Variants in ITGAE observed in about 807,000 individuals in gnomAD.
ITGAE encodes the protein integrin alpha-E.
A neutral mutation model predicts 136.5 loss-of-function variants in ITGAE; 99 were observed. The observed-to-expected ratio is 0.73, with a 90% CI of 0.62 to 0.86. The LOEUF (loss-of-function observed/expected upper bound fraction) is 0.86, where lower values mean the gene tolerates loss of function less well. Among genes scored for constraint, ITGAE ranks in the 40% least tolerant of loss-of-function variants. ITGAE has a pLI of 0.00. For missense variants in ITGAE, 1,447 were observed against 1,515.3 expected, an observed-to-expected ratio of 0.95 and a Z score of 0.75; for synonymous variants, 613 against 591.8, an observed-to-expected ratio of 1.04 and a Z score of -0.52.
intron 12 of ITGAE, 38 bp downstream of exon 12, chr17:3,755,079 C>CAGGTGGCCCCGCCCTCATG (rs1434414654): frequency 1.3e-6 from 2 of 1,549,892 alleles, no homozygotes; most frequent in African/African-American, 2.7e-5. Flanking sequence ...CCGCCCTCAT[C>CAGGTGGCCCCGCCCTCATG]AGGTGGCCCC....
intron 2 of ITGAE, among the ~76,000 whole-genome samples, chr17:3,769,916 C>T (rs1485978714): frequency 1.3e-5 from 2 of 152,062 alleles, no homozygotes; most frequent in South Asian, 2.1e-4. Flanking sequence ...TGCTCTTGAA[C>T]TCCTGAGCTC....
intron 1 of ITGAE, among the ~76,000 whole-genome samples, chr17:3,780,210 A>C (rs1330240202): frequency 7.5e-6 from 1 of 133,806 alleles, no homozygotes. Flanking sequence ...ACACTCTGTC[A>C]CCCAGGCTGG....
At chr17:3,721,851 G>A (rs2051057693) in intron 28 of ITGAE, 1 of 151,886 alleles carries the variant, frequency 6.6e-6, no homozygotes, top group African/African-American at 2.4e-5. Context: ...TTCAAGACCA[G>A]CCTGACCAAC....
At chr17:3,767,154 T>C (rs2052319608) in intron 2 of ITGAE, among the ~76,000 whole-genome samples, 1 of 151,828 alleles carries the variant, frequency 6.6e-6, no homozygotes, top group Non-Finnish European at 1.5e-5. Context: ...TGGAGTGCAA[T>C]GGCACGATCT....
At position 3,755,263 on chromosome 17, in the gene ITGAE, T is replaced by A; in HGVS notation, c.1240-2A>T. On this transcript the variant is annotated splice_acceptor_variant, in intron 11 of 30. Coordinates refer to ENST00000263087, the MANE Select transcript of ITGAE (RefSeq NM_002208.5). LOFTEE classifies it high-confidence loss of function. Reference sequence around the variant, plus strand: ...GACGGCGCCGAGCAGCACCTGCCGCTGAAGGGGACGGGGATGGGGCCCAGA... The same window carrying A: ...GACGGCGCCGAGCAGCACCTGCCGCAGAAGGGGACGGGGATGGGGCCCAGA... The A allele has an allele frequency of 6.4e-7, 1 of 1,573,798 alleles. No homozygotes were observed. The highest frequency in any genetic ancestry group is 8.6e-7 in the Non-Finnish European group (1 of 1,166,178).
rs576213021 is a variant in ITGAE, at chr17:3,731,054, T to C, written c.2834+50A>G. 6.0e-5 allele frequency: 87 copies of C among 1,459,282 alleles called. No individual in the cohort carries two copies. In the Middle Eastern group the frequency reaches 7.0e-4, roughly 12 times the overall value. The allele number at this position is 1,459,282 out of a possible 1,614,324, so 90.4% of individuals were successfully genotyped here. On this transcript the variant is annotated intron_variant, in intron 23 of 30. Transcript: ENST00000263087. ...TCACAGCGTGCATGTGGCAGGGAGA[T>C]GTCTTCCGGGGTCATAGCCTGACTC...
At chr17:3,741,653 A>C (rs1377678905) in intron 19 of ITGAE, among the ~76,000 whole-genome samples, 2 of 152,246 alleles carry the variant, frequency 1.3e-5, no homozygotes, top group Non-Finnish European at 2.9e-5. Context: ...AAGGCATCTC[A>C]CCATAAAATG....
chr17:3,775,945 G>T (rs2143290473), intron 2 of ITGAE, among the ~76,000 whole-genome samples: 1 of 151,782 alleles, frequency 6.6e-6, no homozygotes, highest in East Asian at 1.9e-4. Context: ...TACCAGCAAT[G>T]TTGGCAGATT....
intron 1 of ITGAE, chr17:3,784,283 A>T (rs2052734407): frequency 2.8e-6 from 1 of 351,096 alleles, no homozygotes. Flanking sequence ...AAAATAAAAA[A>T]ATAAAAATAA....
At chr17:3,724,580 A>G (rs763175501) in intron 26 of ITGAE, 3 of 1,614,046 alleles carry the variant, frequency 1.9e-6, no homozygotes, top group Non-Finnish European at 2.5e-6. Flanking sequence ...TGGACCGAGC[A>G]TCTCTCCCCT....
chr17:3,746,967 C>G (rs1187518350), intron 17 of ITGAE, among the ~76,000 whole-genome samples: 3 of 152,246 alleles, frequency 2.0e-5, no homozygotes, highest in Non-Finnish European at 4.4e-5. Flanking sequence ...GGAGACTGCT[C>G]TCTGACTGTG....
Position 3,761,002 on chromosome 17 carries a change from C to T in ITGAE, c.598+11G>A, listed in dbSNP as rs2052150721. On this transcript the variant is annotated intron_variant, in intron 6 of 30. Transcript: ENST00000263087. The stretch of plus-strand genomic sequence containing the variant: ...ATAGACTCAGAGCAACCCAGATCTG[C>T]CTCTTCTCACCAGCTTCCTCCTCCT... 2.5e-6 allele frequency: 4 copies of T among 1,596,702 alleles called. No individual in the cohort carries two copies. Among genetic ancestry groups the T allele is most frequent in the Non-Finnish European group, 3.4e-6 (4 of 1,178,084 alleles).
intron 17 of ITGAE, among the ~76,000 whole-genome samples, chr17:3,746,278 C>A (rs1178562): frequency 0.29 from 43,578 of 151,306 alleles, 8,047 homozygotes; most frequent in African/African-American, 0.52. Flanking sequence ...AGGGACTCTG[C>A]GGAGAAAAAC....
At chr17:3,731,411 A>G (rs1018955017) in intron 22 of ITGAE, among the ~76,000 whole-genome samples, 14 of 145,760 alleles carry the variant, frequency 9.6e-5, no homozygotes, top group Non-Finnish European at 1.9e-4. Context: ...GTGTGATCTC[A>G]GCTCACTGCA....
intron 1 of ITGAE, among the ~76,000 whole-genome samples, chr17:3,795,493 A>C (rs1007838963): frequency 1.3e-5 from 2 of 152,116 alleles, no homozygotes; most frequent in African/African-American, 4.8e-5. Context: ...AGGCTCAGAG[A>C]GGGGTGTGGT....
At chr17:3,748,983 G>A (rs560545181) in intron 16 of ITGAE, among the ~76,000 whole-genome samples, 7 of 152,308 alleles carry the variant, frequency 4.6e-5, no homozygotes, top group Admixed American at 3.9e-4. Flanking sequence ...TAGGGCTGCT[G>A]CTGTGTGGAG....
At chr17:3,772,650 G>T (rs1182271661) in intron 2 of ITGAE, among the ~76,000 whole-genome samples, 3 of 151,966 alleles carry the variant, frequency 2.0e-5, no homozygotes, top group Non-Finnish European at 2.9e-5. Context: ...TTTTAGTAGG[G>T]ACAAGGCTTC....
intron 6 of ITGAE, 61 bp downstream of exon 6, chr17:3,760,952 G>A (rs952602969): frequency 3.2e-6 from 5 of 1,548,966 alleles, no homozygotes; most frequent in Non-Finnish European, 4.3e-6. Flanking sequence ...ACCCTTGGAG[G>A]CCACCAGCCT....
At chr17:3,754,958 C>CAGGCCCCGCCCTCGCCCAGGT (rs2051970743) in intron 12 of ITGAE, among the ~76,000 whole-genome samples, 159 bp downstream of exon 12, 1 of 148,566 alleles carries the variant, frequency 6.7e-6, no homozygotes, top group Non-Finnish European at 1.5e-5. Flanking sequence ...AGGTAGCCTC[C>CAGGCCCCGCCCTCGCCCAGGT]AGGCCCCGCC....
Sources: allele counts gnomAD v4.1 joint callset (sites outside exome capture counted in the v4.1 genomes callset), GRCh38; gene constraint gnomAD v4.1.1; transcripts MANE v1.5; gene names NCBI Gene and HGNC (gene_info 2026-07-23, HGNC 2026-07-21).